Variants in MSI2 observed in about 807,000 individuals in gnomAD.
MSI2 encodes the protein musashi RNA binding protein 2.
A neutral mutation model predicts 45.6 loss-of-function variants in MSI2; 17 were observed. That is an observed-to-expected ratio of 0.37 (90% CI 0.26 to 0.56). The LOEUF is 0.56. Among genes scored for constraint, MSI2 ranks in the 20% least tolerant of loss-of-function variants. The pLI, the probability that MSI2 is intolerant of heterozygous loss-of-function variation, is 0.77. For missense variants in MSI2, 293 were observed against 444.2 expected (o/e 0.66, Z 3.06); for synonymous variants, 156 against 158.2 (o/e 0.99, Z 0.11).
Position 57,256,675 on chromosome 17 carries a change from G to A in MSI2, c.-68G>A. 6.3e-6 allele frequency: 4 copies of A among 631,860 alleles called. No individual in the cohort carries two copies. The highest frequency in any genetic ancestry group is 6.7e-6 in the Non-Finnish European group (3 of 446,120). 39.1% of individuals were successfully genotyped at this position (631,860 alleles called of 1,614,324 possible). On this transcript the variant is annotated 5_prime_UTR_variant, in exon 1 of 14. Transcript: ENST00000284073. ...GCGGAGATCTCGGGGCTCGGAGCCG[G>A]CCGCCGCTCCGCTCCGATCGCTGTG...
chr17:57,419,367 CT>C (rs11465030), intron 6 of MSI2, among the ~76,000 whole-genome samples: 15,669 of 145,890 alleles, frequency 0.11, 887 homozygotes, highest in East Asian at 0.27. Flanking sequence ...TTACATTTTT[CT>C]TTTTTTTTTT....
At chr17:57,602,009 C>G (rs761724366) in intron 8 of MSI2, 1 of 152,184 alleles carries the variant, frequency 6.6e-6, no homozygotes, top group South Asian at 2.1e-4. Context: ...TTAGGCAAAC[C>G]TAGTATTTGA....
intron 10 of MSI2, among the ~76,000 whole-genome samples, chr17:57,646,644 G>T (rs762311830): frequency 6.6e-5 from 10 of 152,204 alleles, no homozygotes; most frequent in Non-Finnish European, 1.3e-4. Context: ...AGGGCTGAAG[G>T]CTGGGCTTTG....
rs951117403 is a variant in MSI2, at chr17:57,332,135, C to G, written c.313-69244C>G. The stretch of plus-strand genomic sequence containing the variant: ...TTTTTTTTTGAAATGGAGTCTCACT[C>G]TGTCACCCAGGCTGGAGTGCAGTGG... On this transcript the variant is annotated intron_variant, in intron 5 of 13. Transcript: ENST00000284073. 1.4e-5 allele frequency among the ~76,000 whole-genome samples: 2 copies of G among 146,260 alleles called. 1 individual carries two copies. Among genetic ancestry groups the G allele is most frequent in the East Asian group, 4.0e-4 (2 of 5,028 alleles).
intron 6 of MSI2, among the ~76,000 whole-genome samples, chr17:57,478,782 A>T (rs1165693283): frequency 6.6e-6 from 1 of 152,138 alleles, no homozygotes; most frequent in Non-Finnish European, 1.5e-5. Flanking sequence ...CCATTCATTC[A>T]TTGCTTTTGT....
chr17:57,700,816 C>T, the MSI2 span, among the ~76,000 whole-genome samples: 80 of 151,930 alleles, frequency 5.3e-4, no homozygotes, highest in Non-Finnish European at 8.1e-4. Context: ...GCAGGAGAAT[C>T]GCTTGAACTC....
intron 6 of MSI2, among the ~76,000 whole-genome samples, chr17:57,422,629 AC>A (rs1314750292): frequency 6.6e-6 from 1 of 152,110 alleles, no homozygotes; most frequent in Non-Finnish European, 1.5e-5. Context: ...CAAACTCCAG[AC>A]CCATGCTCAT....
chr17:57,303,777 T>C (rs929367723), intron 5 of MSI2, among the ~76,000 whole-genome samples: 2 of 152,194 alleles, frequency 1.3e-5, no homozygotes, highest in Non-Finnish European at 2.9e-5. Context: ...TATTATGGGA[T>C]GCTAGACTGT....
chr17:57,500,302 C>T (rs2086074310), intron 6 of MSI2, among the ~76,000 whole-genome samples: 3 of 152,148 alleles, frequency 2.0e-5, no homozygotes, highest in South Asian at 2.1e-4. Flanking sequence ...GAAGGCAGCA[C>T]CAAGTAGCTT....
chr17:57,584,676 C>T (rs956804616), intron 7 of MSI2, among the ~76,000 whole-genome samples: 20 of 152,114 alleles, frequency 1.3e-4, no homozygotes, highest in Admixed American at 1.2e-3. Context: ...TGGAGAAAGG[C>T]GAGTGAGCAT....
At position 57,550,033 on chromosome 17, in the gene MSI2, G is replaced by A. The variant is rs376870536; in HGVS notation, c.454+20309G>A. Among the ~76,000 whole-genome samples, 69 of 152,292 alleles carry A rather than the reference G, an allele frequency of 4.5e-4. 1 individual carries two copies. The South Asian group carries it at 0.013, about 29-fold the overall frequency. The stretch of plus-strand genomic sequence containing the variant: ...ACAGGCTGTGGTCACTCCTGAGCTG[G>A]GGGAAGCCACCCTGCCTGTCTCCTC... On this transcript the variant is annotated intron_variant, in intron 7 of 13. Transcript: ENST00000284073.
chr17:57,691,200 C>CTCTCATCT, the MSI2 span, among the ~76,000 whole-genome samples: 141 of 140,308 alleles, frequency 1.0e-3, 2 homozygotes, highest in South Asian at 5.7e-3. Flanking sequence ...CTCTCTCTCT[C>CTCTCATCT]ATCTATCTAT....
intron 6 of MSI2, among the ~76,000 whole-genome samples, chr17:57,512,390 G>C (rs1398785112): frequency 6.6e-6 from 1 of 152,134 alleles, no homozygotes; most frequent in Non-Finnish European, 1.5e-5. Flanking sequence ...CAGTTGTTAG[G>C]GCATTAAGTG....
intron 6 of MSI2, among the ~76,000 whole-genome samples, chr17:57,505,580 C>G (rs953831232): frequency 2.6e-5 from 4 of 152,136 alleles, no homozygotes; most frequent in Non-Finnish European, 5.9e-5. Flanking sequence ...AGAAAGAATG[C>G]CTCACCAGAG....
chr17:57,444,448 G>C (rs2084858458), intron 6 of MSI2: 2 of 152,170 alleles, frequency 1.3e-5, no homozygotes, highest in Non-Finnish European at 2.9e-5. Context: ...GTCGGGCGTG[G>C]CGGCGGGCAC....
intron 5 of MSI2, among the ~76,000 whole-genome samples, chr17:57,351,248 A>G (rs901793376): frequency 6.6e-6 from 1 of 152,100 alleles, no homozygotes; most frequent in African/African-American, 2.4e-5. Context: ...TCAAGCAGAA[A>G]GTAACTAGCA....
At chr17:57,351,153 A>G (rs967040392) in intron 5 of MSI2, among the ~76,000 whole-genome samples, 2 of 152,078 alleles carry the variant, frequency 1.3e-5, no homozygotes, top group African/African-American at 2.4e-5. Context: ...GCCAAGCCCA[A>G]CCGGAAACCA....
chr17:57,355,117 C>T (rs1358649716), intron 5 of MSI2, among the ~76,000 whole-genome samples: 1 of 152,172 alleles, frequency 6.6e-6, no homozygotes, highest in Non-Finnish European at 1.5e-5. Context: ...CAGCTGGTCC[C>T]AGGGCTCCGG....
intron 7 of MSI2, among the ~76,000 whole-genome samples, chr17:57,555,651 C>T (rs964060272): frequency 6.6e-6 from 1 of 152,226 alleles, no homozygotes; most frequent in Non-Finnish European, 1.5e-5. Flanking sequence ...CTGACTCCCC[C>T]AGTTACTATG....
Sources: gnomAD v4.1 joint callset for allele counts (sites outside exome capture counted in the v4.1 genomes callset) on GRCh38, gnomAD v4.1.1 for gene constraint, MANE v1.5 for transcripts, NCBI Gene and HGNC (gene_info 2026-07-23, HGNC 2026-07-21) for gene names.